Variants in SMAD2 observed in about 807,000 individuals in gnomAD.
SMAD2 encodes the protein MAD homolog 2.
Under a neutral mutation model 64.4 loss-of-function variants are expected in SMAD2, and 8 were observed. The ratio of observed to expected loss-of-function variants is 0.12; its 90% CI spans 0.07 to 0.22. The LOEUF (loss-of-function observed/expected upper bound fraction) is 0.22, where lower values mean the gene tolerates loss of function less well. SMAD2 is among the 10% of genes least tolerant of loss of function. The pLI, the probability that SMAD2 is intolerant of heterozygous loss-of-function variation, is 1.00. For synonymous variants in SMAD2, 203 were observed against 195.8 expected (o/e 1.04, Z -0.31); for missense variants, 289 against 561.2 (o/e 0.51, Z 4.90).
rs977829837 is a variant in SMAD2, at chr18:47,838,364, C to A, written c.*3463G>T. ...GGCAGATTTCCTTCTGCCAAAGTGA[C>A]AGGTCCTGAGGAAAAAAAACACAAC... On this transcript the variant is annotated 3_prime_UTR_variant, in exon 11 of 11. Coordinates refer to ENST00000262160, the MANE Select transcript of SMAD2 (RefSeq NM_005901.6). 4.3e-6 allele frequency: 1 copy of A among 233,092 alleles called. No individual in the cohort carries two copies. Among genetic ancestry groups the A allele is most frequent in the African/African-American group, 2.2e-5 (1 of 45,304 alleles). 14.4% of individuals were successfully genotyped at this position (233,092 alleles called of 1,614,324 possible). A position where few individuals can be genotyped will look rare whatever the true frequency, so the allele number is the denominator to read the frequency against.
At chr18:47,893,885 C>T (rs552804602) in intron 2 of SMAD2, among the ~76,000 whole-genome samples, 2 of 152,228 alleles carry the variant, frequency 1.3e-5, no homozygotes, top group African/African-American at 2.4e-5. Flanking sequence ...CAAATTTCTA[C>T]GCTTCAAGGA....
In SMAD2 at chr18:47,813,145, G is replaced by A. The variant is rs1912255791; in HGVS notation, c.*28682C>T. 6.6e-6 allele frequency: 1 copy of A among 152,164 alleles called. No homozygotes were observed. Among genetic ancestry groups the A allele is most frequent in the African/African-American group, 2.4e-5 (1 of 41,424 alleles). The allele number at this position is 152,164 out of a possible 1,614,324, so 9.4% of individuals were successfully genotyped here. A position where few individuals can be genotyped will look rare whatever the true frequency, so the allele number is the denominator to read the frequency against. On this transcript the variant is annotated 3_prime_UTR_variant, in exon 11 of 11. Transcript: ENST00000262160. ...GCAGAAGAATTGCTTGAATCCAGGAGGCAGAGGTTGCAGTGAGTCAAGACT... is the reference window on the plus strand; with the variant it reads ...GCAGAAGAATTGCTTGAATCCAGGAAGCAGAGGTTGCAGTGAGTCAAGACT...
chr18:47,883,577 G>A (rs185331583), intron 2 of SMAD2, among the ~76,000 whole-genome samples: 138 of 152,232 alleles, frequency 9.1e-4, no homozygotes, highest in Admixed American at 4.0e-3. Flanking sequence ...CTCTCCAATT[G>A]TGGATTTGTG....
At chr18:47,912,858 C>CAA (rs566813544) in intron 1 of SMAD2, among the ~76,000 whole-genome samples, 1,152 of 59,144 alleles carry the variant, frequency 0.019, 28 homozygotes, top group African/African-American at 0.052. Context: ...GTATAAACAG[C>CAA]AAAAAAAAAA....
chr18:47,920,328 T>C (rs1267368178), intron 1 of SMAD2, among the ~76,000 whole-genome samples: 1 of 152,220 alleles, frequency 6.6e-6, no homozygotes, highest in East Asian at 1.9e-4. Flanking sequence ...ATTTAATAAT[T>C]TTATTAATCT....
intron 3 of SMAD2, among the ~76,000 whole-genome samples, 156 bp from the exon 4 acceptor site, chr18:47,869,592 T>C (rs1239813584): frequency 2.0e-5 from 3 of 152,120 alleles, no homozygotes; most frequent in African/African-American, 4.8e-5. Flanking sequence ...AAATGTACTA[T>C]TTAATGGATC....
At chr18:47,854,179 G>T (rs1047370405) in intron 6 of SMAD2, among the ~76,000 whole-genome samples, 1 of 151,630 alleles carries the variant, frequency 6.6e-6, no homozygotes, top group South Asian at 2.1e-4. Flanking sequence ...CCTACCACAG[G>T]TCTTCCACTT....
At position 47,837,533 on chromosome 18, in the gene SMAD2, G is replaced by A. The variant is rs1445391155; in HGVS notation, c.*4294C>T. Reference sequence around the variant, plus strand: ...ACCAAGATCGCACCACTGCACTCCAGGTTGGGCAACAGAGCGAGACTCCCT... The same window carrying A: ...ACCAAGATCGCACCACTGCACTCCAAGTTGGGCAACAGAGCGAGACTCCCT... On this transcript the variant is annotated 3_prime_UTR_variant, in exon 11 of 11. Transcript: ENST00000262160. The A allele has an allele frequency of 9.3e-6, 2 of 215,202 alleles. No homozygotes were observed. Among genetic ancestry groups the A allele is most frequent in the African/African-American group, 4.7e-5 (2 of 42,462 alleles). 13.3% of individuals were successfully genotyped at this position (215,202 alleles called of 1,614,324 possible).
At chr18:47,868,595 T>C in intron 4 of SMAD2, 138 bp from the exon 5 acceptor site, 1 of 672,366 alleles carries the variant, frequency 1.5e-6, no homozygotes, top group South Asian at 1.7e-5. Context: ...ATATACTAGT[T>C]ACTGAGAAAA....
At position 47,826,322 on chromosome 18, in the gene SMAD2, G is replaced by A. The variant is rs1282505052; in HGVS notation, c.*15505C>T. 1 of 152,224 alleles carries A rather than the reference G, an allele frequency of 6.6e-6. No individual in the cohort carries two copies. Among genetic ancestry groups the A allele is most frequent in the Admixed American group, 6.5e-5 (1 of 15,282 alleles). 9.4% of individuals were successfully genotyped at this position (152,224 alleles called of 1,614,324 possible). A position where few individuals can be genotyped will look rare whatever the true frequency, so the allele number is the denominator to read the frequency against. ...AAAGCAAGGGTGTGGTAGATTGACTGCATTTAAGGCTCCAATTCTTCACCC... is the reference window on the plus strand; with the variant it reads ...AAAGCAAGGGTGTGGTAGATTGACTACATTTAAGGCTCCAATTCTTCACCC... On this transcript the variant is annotated 3_prime_UTR_variant, in exon 11 of 11. Transcript: ENST00000262160.
At chr18:47,850,250 A>AT (rs1915045217) in intron 7 of SMAD2, among the ~76,000 whole-genome samples, 2 of 78,138 alleles carry the variant, frequency 2.6e-5, no homozygotes, top group Non-Finnish European at 4.3e-5. Context: ...TATATATTAT[A>AT]TATATTATGT....
At chr18:47,910,988 C>A (rs2034104129) in intron 1 of SMAD2, among the ~76,000 whole-genome samples, 1 of 152,066 alleles carries the variant, frequency 6.6e-6, no homozygotes, top group African/African-American at 2.4e-5. Flanking sequence ...TTTAAATTAT[C>A]AAAAGAATGT....
intron 8 of SMAD2, among the ~76,000 whole-genome samples, chr18:47,847,901 G>T (rs1181560272): frequency 6.6e-6 from 1 of 152,032 alleles, no homozygotes; most frequent in Non-Finnish European, 1.5e-5. Flanking sequence ...TATGAAAATA[G>T]CTTTGACCTC....
rs59129117 is a variant in SMAD2, at chr18:47,837,561, C to CAAAA, written c.*4262_*4265dup. The CAAAA allele has an allele frequency of 5.4e-4, 84 of 154,996 alleles. No homozygotes were observed. The highest frequency in any genetic ancestry group is 3.8e-3 in the Middle Eastern group (2 of 522). 9.6% of individuals were successfully genotyped at this position (154,996 alleles called of 1,614,324 possible). Reference sequence around the variant, plus strand: ...TGGGCAACAGAGCGAGACTCCCTCTCAAAAAAAAAAAAAAAAAACAAAAAA... The same window carrying CAAAA: ...TGGGCAACAGAGCGAGACTCCCTCTCAAAAAAAAAAAAAAAAAAAAAACAAAAAA... On this transcript the variant is annotated 3_prime_UTR_variant, in exon 11 of 11. Transcript: ENST00000262160.
At position 47,820,814 on chromosome 18, in the gene SMAD2, A is replaced by G. The variant is rs1321164262; in HGVS notation, c.*21013T>C. On this transcript the variant is annotated 3_prime_UTR_variant, in exon 11 of 11. Transcript: ENST00000262160. ...CTTACATATATACTTGTACATATGT[A>G]TATGTACAATAATACAGTATATTCT... The G allele has an allele frequency of 6.6e-6, 1 of 152,138 alleles. No individual in the cohort carries two copies. Among genetic ancestry groups the G allele is most frequent in the East Asian group, 1.9e-4 (1 of 5,198 alleles). The allele number at this position is 152,138 out of a possible 1,614,324, so 9.4% of individuals were successfully genotyped here.
intron 2 of SMAD2, among the ~76,000 whole-genome samples, chr18:47,881,693 G>A (rs545613024): frequency 4.6e-5 from 7 of 152,278 alleles, no homozygotes; most frequent in African/African-American, 1.7e-4. Context: ...TCATGATTAA[G>A]TAAATCCTTA....
At chr18:47,921,484 C>A (rs916830314) in intron 1 of SMAD2, among the ~76,000 whole-genome samples, 15 of 152,098 alleles carry the variant, frequency 9.9e-5, no homozygotes, top group Non-Finnish European at 1.6e-4. Context: ...TTCACTATTC[C>A]ACATGCAGCT....
intron 1 of SMAD2, among the ~76,000 whole-genome samples, chr18:47,908,249 G>A (rs926616210): frequency 6.6e-6 from 1 of 152,154 alleles, no homozygotes; most frequent in Admixed American, 6.5e-5. Context: ...ATTGTTTTGA[G>A]GACAAAAATT....
intron 6 of SMAD2, among the ~76,000 whole-genome samples, chr18:47,864,107 T>C (rs566413401): frequency 6.6e-6 from 1 of 152,258 alleles, no homozygotes; most frequent in African/African-American, 2.4e-5. Context: ...GTCATCTAAT[T>C]TTAGTAAAAC....
Sources: gnomAD v4.1 joint callset for allele counts (sites outside exome capture counted in the v4.1 genomes callset) on GRCh38, gnomAD v4.1.1 for gene constraint, MANE v1.5 for transcripts, NCBI Gene and HGNC (gene_info 2026-07-23, HGNC 2026-07-21) for gene names.